SETDB1: variants seen among roughly 807,000 people sequenced by gnomAD.
SETDB1 encodes SET domain bifurcated histone lysine methyltransferase 1, also known as histone-lysine N-methyltransferase SETDB1.
In SETDB1, 31 loss-of-function variants were observed where a neutral mutation model predicts 137.4. The ratio of observed to expected loss-of-function variants is 0.23; its 90% CI spans 0.17 to 0.30. SETDB1 has a LOEUF of 0.30. SETDB1 is among the 10% of genes least tolerant of loss of function. SETDB1 has a pLI of 1.00. For missense variants in SETDB1, 1,113 were observed against 1,631.5 expected (o/e 0.68, Z 5.47); for synonymous variants, 548 against 579.9 (o/e 0.95, Z 0.79).
chr1:150,951,332 CG>C, intron 13 of SETDB1, 32 bp from the exon 14 acceptor site: 1 of 1,457,650 alleles, frequency 6.9e-7, no homozygotes, highest in South Asian at 1.1e-5. Flanking sequence ...CTGATCCCCC[CG>C]CTCCTTTCCT....
chr1:150,938,826 CTTT>C lies in SETDB1; in HGVS notation c.413-1098_413-1096del, dbSNP rs368724725. Among the ~76,000 whole-genome samples the C allele has an allele frequency of 6.8e-4, 90 of 131,954 alleles. 2 individuals carry two copies. The South Asian group carries it at 8.6e-3, about 13-fold the overall frequency. The allele number at this position is 131,954 out of a possible 152,430, so 86.6% of individuals were successfully genotyped here. On this transcript the variant is annotated intron_variant, in intron 3 of 21. Coordinates refer to ENST00000692827, the MANE Select transcript of SETDB1 (RefSeq NM_001366418.1). ...GCCTACACGTTTTATTTTTATCCTACTTTTTTTTTTTTTTTTTTGAGACGGGGT... is the reference window on the plus strand; with the variant it reads ...GCCTACACGTTTTATTTTTATCCTACTTTTTTTTTTTTTTTGAGACGGGGT...
At chr1:150,948,357 G>T (rs377349551) in intron 10 of SETDB1, among the ~76,000 whole-genome samples, 1 of 143,486 alleles carries the variant, frequency 7.0e-6, no homozygotes, top group Non-Finnish European at 1.5e-5. Context: ...TGCAACCTCC[G>T]CCTCCCGGGT....
chr1:150,950,971 C>T lies in SETDB1; in HGVS notation c.2097C>T (p.Asp699=), dbSNP rs1670475738. The change falls in exon 13 of 22, where the codon GAC becomes GAT. Residue 699 remains aspartate, a synonymous_variant. Coordinates refer to ENST00000692827, the MANE Select transcript of SETDB1 (RefSeq NM_001366418.1). ...CCCTATCCTGTGTCAATGAGATTGA[C>T]ACAACCCCTCCACCCCAGGTGGCCT... ...DVPLSCVNEI[D]TTPPPQVAYS... 6.2e-7 allele frequency: 1 copy of T among 1,614,018 alleles called. No individual in the cohort carries two copies. Among genetic ancestry groups the T allele is most frequent in the Admixed American group, 1.7e-5 (1 of 59,996 alleles).
intron 3 of SETDB1, among the ~76,000 whole-genome samples, chr1:150,932,435 T>A (rs1359316453): frequency 1.2e-4 from 19 of 152,102 alleles, no homozygotes; most frequent in Admixed American, 7.9e-4. Context: ...CTGAGGCCAT[T>A]TAGGCTTGGA....
At chr1:150,964,144 CCCT>C in intron 21 of SETDB1, 61 bp downstream of exon 21, 2 of 1,538,620 alleles carry the variant, frequency 1.3e-6, no homozygotes, top group Non-Finnish European at 1.8e-6. Flanking sequence ...TTCTAAGGGC[CCCT>C]CCTCCATTCA....
At chr1:150,929,857 C>T (rs1669669719) in intron 2 of SETDB1, 110 bp from the exon 3 acceptor site, 2 of 809,344 alleles carry the variant, frequency 2.5e-6, no homozygotes, top group Non-Finnish European at 3.9e-6. Context: ...GAATGTGGCC[C>T]ATTTAAATTG....
At chr1:150,960,037 C>G (rs1439932142) in intron 15 of SETDB1, among the ~76,000 whole-genome samples, 1 of 151,450 alleles carries the variant, frequency 6.6e-6, no homozygotes, top group Non-Finnish European at 1.5e-5. Flanking sequence ...CATGCCACTG[C>G]ACTCCAGCCT....
chr1:150,939,870 T>C, intron 3 of SETDB1, 70 bp from the exon 4 acceptor site: 1 of 1,094,802 alleles, frequency 9.1e-7, no homozygotes, highest in South Asian at 1.4e-5. Flanking sequence ...TTGAGTAAGT[T>C]AGTTCTTAAT....
rs931652927 is a variant in SETDB1, at chr1:150,963,434, A to G, written c.3461-96A>G. ...AGCTTATTGGTGTTTCTCAGCTGCAATGTTGGGAGAGAAATAGGGGTAGAA... is the reference window on the plus strand; with the variant it reads ...AGCTTATTGGTGTTTCTCAGCTGCAGTGTTGGGAGAGAAATAGGGGTAGAA... On this transcript the variant is annotated intron_variant, in intron 19 of 21. Transcript: ENST00000692827. 10 of 1,084,462 alleles carry G rather than the reference A, an allele frequency of 9.2e-6. No individual in the cohort carries two copies. In the Admixed American group the frequency reaches 1.1e-4, roughly 12 times the overall value. The allele number at this position is 1,084,462 out of a possible 1,614,324, so 67.2% of individuals were successfully genotyped here.
At chr1:150,943,845 T>C (rs1670238511) in intron 7 of SETDB1, 75 bp from the exon 8 acceptor site, 4 of 900,580 alleles carry the variant, frequency 4.4e-6, no homozygotes, top group South Asian at 2.7e-5. Context: ...GTAGAAGCTA[T>C]GATAAAATAA....
rs765191027 is a variant in SETDB1 at position 150,964,373 on chromosome 1, C to G, written c.*9C>G. 3 of 1,589,924 alleles carry G rather than the reference C, an allele frequency of 1.9e-6. No homozygotes were observed. The African/African-American group carries it at 4.0e-5, about 21-fold the overall frequency. On this transcript the variant is annotated 3_prime_UTR_variant, in exon 22 of 22. Coordinates refer to ENST00000692827, the MANE Select transcript of SETDB1 (RefSeq NM_001366418.1). Reference sequence around the variant, plus strand: ...GAGGACGTCTTCTTTAGAGGACAGCCTTCTTCCCAACCCTTCTTGAACTGT... The same window carrying G: ...GAGGACGTCTTCTTTAGAGGACAGCGTTCTTCCCAACCCTTCTTGAACTGT...
intron 16 of SETDB1, 119 bp from the exon 17 acceptor site, chr1:150,962,011 C>A: frequency 8.1e-7 from 1 of 1,236,538 alleles, no homozygotes; most frequent in Non-Finnish European, 1.2e-6. Flanking sequence ...ACCCACCCCA[C>A]TTTAGAATGT....
At chr1:150,941,527 C>A in intron 5 of SETDB1, 99 bp downstream of exon 5, 1 of 710,906 alleles carries the variant, frequency 1.4e-6, no homozygotes, top group Non-Finnish European at 2.5e-6. Flanking sequence ...ACATGCCAGA[C>A]TCAGTATCCT....
At position 150,963,700 on chromosome 1, in the gene SETDB1, A is replaced by G. The variant is rs1323743638; in HGVS notation, c.3631A>G (p.Ile1211Val). ...FYDGEESCYI[I>V]DAKLEGNLGR... ...TGATGGCGAGGAGTCTTGCTACATC[A>G]TTGATGCCAAGCTTGAAGGCAACCT... Residue 1211 changes from isoleucine (I) to valine (V), a missense_variant, in exon 20 of 22, where the codon ATT (isoleucine) becomes GTT (valine). Transcript: ENST00000692827. The G allele has an allele frequency of 6.2e-7, 1 of 1,614,164 alleles. No homozygotes were observed.
chr1:150,940,127 G>A (rs887484551), intron 4 of SETDB1, among the ~76,000 whole-genome samples, 153 bp downstream of exon 4: 4 of 152,156 alleles, frequency 2.6e-5, no homozygotes, highest in Admixed American at 6.6e-5. Flanking sequence ...GATGCTGTAA[G>A]AATTCAAAAA....
chr1:150,962,860 C>A, intron 18 of SETDB1, 114 bp from the exon 19 acceptor site: 1 of 1,454,870 alleles, frequency 6.9e-7, no homozygotes, highest in Non-Finnish European at 9.4e-7. Flanking sequence ...TTTCATCCAG[C>A]ATCTAATCTT....
chr1:150,947,709 G>A (rs1375978082), intron 10 of SETDB1, among the ~76,000 whole-genome samples: 2 of 152,160 alleles, frequency 1.3e-5, no homozygotes, highest in African/African-American at 2.4e-5. Flanking sequence ...CCAGGAGGTC[G>A]AGGTTGCAGT....
chr1:150,942,619 A>C lies in SETDB1; in HGVS notation c.604A>C (p.Met202Leu). 1 of 1,614,054 alleles carries C rather than the reference A, an allele frequency of 6.2e-7. No homozygotes were observed. The highest frequency in any genetic ancestry group is 2.2e-5 in the East Asian group (1 of 44,886). The change falls in exon 6 of 22, where the codon ATG becomes CTG. Residue 202 changes from methionine to leucine, a missense_variant. Coordinates refer to ENST00000692827, the MANE Select transcript of SETDB1 (RefSeq NM_001366418.1). ...CAAAGATGGTGACCTGATAGTCAGC[A>C]TGCGAATTCTGGGCAAGAAGAGAAC... ...LSKDGDLIVSMRILGKKRTKT... is the reference protein window; with the variant it reads ...LSKDGDLIVSLRILGKKRTKT...
chr1:150,927,385 A>G (rs569751), intron 1 of SETDB1, among the ~76,000 whole-genome samples: 15 of 152,152 alleles, frequency 9.9e-5, no homozygotes, highest in African/African-American at 3.6e-4. Flanking sequence ...CTCGGCCTCT[A>G]AAAGTGCTGA....
Sources: allele counts gnomAD v4.1 joint callset (sites outside exome capture counted in the v4.1 genomes callset), GRCh38; gene constraint gnomAD v4.1.1; transcripts MANE v1.5; gene names NCBI Gene and HGNC (gene_info 2026-07-23, HGNC 2026-07-21).